Variants in ZBTB7C observed in about 807,000 individuals in gnomAD.
The protein encoded by ZBTB7C is zinc finger and BTB domain containing 7C, also known as zinc finger and BTB domain-containing protein 7C.
In ZBTB7C, 8 loss-of-function variants were observed where a neutral mutation model predicts 25.7. The ratio of observed to expected loss-of-function variants is 0.31; its 90% CI spans 0.18 to 0.56. The LOEUF (loss-of-function observed/expected upper bound fraction) is 0.56. Ranked by LOEUF, ZBTB7C falls within the 20% of genes least tolerant of loss-of-function variation. ZBTB7C has a pLI of 0.91. For missense variants in ZBTB7C, 824 were observed against 855.2 expected (o/e 0.96, Z 0.46); for synonymous variants, 394 against 369.0 (o/e 1.07, Z -0.78).
chr18:48,229,763 G>A (rs969420169), intron 2 of ZBTB7C, among the ~76,000 whole-genome samples: 2 of 152,214 alleles, frequency 1.3e-5, no homozygotes, highest in African/African-American at 2.4e-5. Context: ...AGGAAGACGT[G>A]GGGGAGTTGG....
At chr18:48,219,254 G>C (rs2042896265) in intron 2 of ZBTB7C, among the ~76,000 whole-genome samples, 1 of 152,124 alleles carries the variant, frequency 6.6e-6, no homozygotes, top group African/African-American at 2.4e-5. Context: ...CTCCCACACT[G>C]CATATGCTGC....
chr18:48,088,919 G>A (rs544341401), intron 3 of ZBTB7C, among the ~76,000 whole-genome samples: 17 of 152,180 alleles, frequency 1.1e-4, no homozygotes, highest in South Asian at 6.2e-4. Context: ...TCCTCAATGC[G>A]AGGCTGCAGA....
chr18:48,175,217 AAGACT>A (rs1326787486), intron 3 of ZBTB7C, among the ~76,000 whole-genome samples: 3 of 152,264 alleles, frequency 2.0e-5, no homozygotes, highest in Non-Finnish European at 4.4e-5. Flanking sequence ...TCAGGAAGGA[AAGACT>A]AATCCTAGTA....
At chr18:48,275,056 G>A (rs1208452433) in intron 2 of ZBTB7C, among the ~76,000 whole-genome samples, 2 of 152,132 alleles carry the variant, frequency 1.3e-5, no homozygotes, top group Admixed American at 6.6e-5. Context: ...CTAATTATAC[G>A]AAGTACTTAT....
intron 2 of ZBTB7C, among the ~76,000 whole-genome samples, chr18:48,273,427 G>A (rs2044549733): frequency 6.6e-6 from 1 of 151,874 alleles, no homozygotes. Flanking sequence ...GGAAAACTTG[G>A]CATTATAAAT....
intron 3 of ZBTB7C, among the ~76,000 whole-genome samples, chr18:48,166,046 A>T (rs62087436): frequency 1.3e-5 from 2 of 152,182 alleles, no homozygotes; most frequent in Admixed American, 1.3e-4. Flanking sequence ...ATAGGAGAAT[A>T]ATTTTTTTTT....
chr18:48,304,166 G>C (rs2045610988), intron 2 of ZBTB7C, among the ~76,000 whole-genome samples: 1 of 152,202 alleles, frequency 6.6e-6, no homozygotes, highest in Non-Finnish European at 1.5e-5. Flanking sequence ...CACACACAGA[G>C]CATAAGCCCA....
At chr18:48,178,505 CCTTT>C (rs772373169) in intron 3 of ZBTB7C, among the ~76,000 whole-genome samples, 122 of 152,268 alleles carry the variant, frequency 8.0e-4, no homozygotes, top group Non-Finnish European at 1.1e-3. Context: ...TGGAGGAATA[CCTTT>C]CTTTCTTTCT....
At chr18:48,100,625 G>A (rs926442974) in intron 3 of ZBTB7C, among the ~76,000 whole-genome samples, 1 of 152,170 alleles carries the variant, frequency 6.6e-6, no homozygotes, top group African/African-American at 2.4e-5. Context: ...CTTTAAGTGG[G>A]AAGTCTGTCT....
intron 1 of ZBTB7C, among the ~76,000 whole-genome samples, chr18:48,345,401 C>G (rs1162693886): frequency 1.3e-5 from 2 of 152,198 alleles, no homozygotes; most frequent in Non-Finnish European, 2.9e-5. Context: ...AAACTGGTTT[C>G]TGACATGCGT....
At chr18:48,272,269 G>C (rs926778678) in intron 2 of ZBTB7C, among the ~76,000 whole-genome samples, 1 of 152,210 alleles carries the variant, frequency 6.6e-6, no homozygotes, top group Admixed American at 6.5e-5. Context: ...ACAAAAGGGT[G>C]CAGGAAGGGT....
intron 2 of ZBTB7C, among the ~76,000 whole-genome samples, chr18:48,303,248 T>C (rs1441126526): frequency 2.6e-5 from 4 of 152,110 alleles, no homozygotes; most frequent in African/African-American, 9.7e-5. Context: ...GTCATAACAG[T>C]CAAAGGTTCC....
chr18:48,396,173 C>T (rs1457128725), intron 1 of ZBTB7C, among the ~76,000 whole-genome samples: 3 of 152,184 alleles, frequency 2.0e-5, no homozygotes, highest in Non-Finnish European at 1.5e-5. Context: ...GGCAAGGACA[C>T]AACTACTTTC....
intron 3 of ZBTB7C, among the ~76,000 whole-genome samples, chr18:48,084,172 G>A (rs2038095820): frequency 6.6e-6 from 1 of 152,152 alleles, no homozygotes. Context: ...AGCAACTAAG[G>A]AGAGAATGAA....
intron 3 of ZBTB7C, among the ~76,000 whole-genome samples, chr18:48,053,632 C>A (rs1005097197): frequency 6.6e-6 from 1 of 152,186 alleles, no homozygotes; most frequent in African/African-American, 2.4e-5. Context: ...GAGGCTTGAA[C>A]CTAAGCAGTC....
chr18:48,397,131 T>A (rs2048046089), intron 1 of ZBTB7C, among the ~76,000 whole-genome samples: 1 of 152,230 alleles, frequency 6.6e-6, no homozygotes, highest in South Asian at 2.1e-4. Flanking sequence ...TCCTAAATTC[T>A]TATTGTTTAA....
chr18:48,212,362 T>C (rs1470199308), intron 2 of ZBTB7C, among the ~76,000 whole-genome samples: 1 of 152,100 alleles, frequency 6.6e-6, no homozygotes, highest in African/African-American at 2.4e-5. Context: ...ACAGAGGATG[T>C]TGAAAGCAGT....
chr18:48,108,357 G>A (rs1424258079), intron 3 of ZBTB7C, among the ~76,000 whole-genome samples: 1 of 152,112 alleles, frequency 6.6e-6, no homozygotes, highest in African/African-American at 2.4e-5. Context: ...GATCAGCAGC[G>A]ACCACAGGCA....
At chr18:48,179,367 G>A (rs1004607703) in intron 3 of ZBTB7C, among the ~76,000 whole-genome samples, 1 of 152,200 alleles carries the variant, frequency 6.6e-6, no homozygotes, top group Admixed American at 6.5e-5. Context: ...ATGTCACTTG[G>A]GGGCCTTCCA....
Sources: gnomAD v4.1 joint callset for allele counts (sites outside exome capture counted in the v4.1 genomes callset) on GRCh38, gnomAD v4.1.1 for gene constraint, MANE v1.5 for transcripts, NCBI Gene and HGNC (gene_info 2026-07-23, HGNC 2026-07-21) for gene names.